The following DBF4 variants were observed in gnomAD, a reference collection of about 807,000 sequenced individuals.
DBF4 encodes the protein protein DBF4 homolog A.
Under a neutral mutation model 76.6 loss-of-function variants are expected in DBF4, and 25 were observed. That is an observed-to-expected ratio of 0.33 (90% confidence interval 0.24 to 0.46). DBF4 has a LOEUF of 0.46. Among genes scored for constraint, DBF4 ranks in the 20% least tolerant of loss-of-function variants. The pLI is 1.00. For synonymous variants in DBF4, 213 were observed against 258.0 expected, an observed-to-expected ratio of 0.83 and a Z score of 1.67; for missense variants, 638 against 760.8, an observed-to-expected ratio of 0.84 and a Z score of 1.90.
chr7:87,888,725 T>C (rs1839419993), intron 6 of DBF4, among the ~76,000 whole-genome samples: 1 of 152,220 alleles, frequency 6.6e-6, no homozygotes. Context: ...CCATTCACTT[T>C]TCAACCTACA....
intron 2 of DBF4, 110 bp downstream of exon 2, chr7:87,878,335 C>T (rs1346722342): frequency 1.2e-6 from 1 of 840,122 alleles, no homozygotes; most frequent in Non-Finnish European, 1.8e-6. Flanking sequence ...TAGCACCAAG[C>T]TTAACATTTT....
rs1839646977 is a variant in DBF4, at chr7:87,896,641, C to T, written c.634+131C>T. Reference sequence around the variant, plus strand: ...TCTTCGTCTTTATAGAACATAGATCCTTGGTGAAGTTTGGTGAAGCCTGTG... The same window carrying T: ...TCTTCGTCTTTATAGAACATAGATCTTTGGTGAAGTTTGGTGAAGCCTGTG... On this transcript the variant is annotated intron_variant, in intron 7 of 11. Transcript: ENST00000265728. 1.1e-5 allele frequency: 8 copies of T among 749,832 alleles called. 1 individual carries two copies. The South Asian group carries it at 1.8e-4, about 17-fold the overall frequency. The allele number at this position is 749,832 out of a possible 1,614,324, so 46.4% of individuals were successfully genotyped here. A position where few individuals can be genotyped will look rare whatever the true frequency, so the allele number is the denominator to read the frequency against.
intron 2 of DBF4, among the ~76,000 whole-genome samples, chr7:87,883,560 G>A (rs1413137311): frequency 1.3e-5 from 2 of 152,066 alleles, no homozygotes; most frequent in African/African-American, 4.8e-5. Context: ...TTATTGCCTG[G>A]CCCTTATAGG....
rs765032347 is a variant in DBF4 at position 87,887,338 on chromosome 7, C to G, written c.460C>G (p.Pro154Ala). 6 of 1,536,464 alleles carry G rather than the reference C, an allele frequency of 3.9e-6. No homozygotes were observed. In the South Asian group the frequency reaches 7.0e-5, roughly 18 times the overall value. ...ACTTTTTTTTTTACAGGATTTTATT[C>G]CTTCAAATAGTATATTATCAAATGC... is the stretch of plus-strand genomic sequence containing the variant. ...EKAIKDHDFI[P>A]SNSILSNALS... Residue 154 changes from proline (P) to alanine (A), a missense_variant, in exon 5 of 12, where the codon CCT becomes GCT. Transcript: ENST00000265728.
rs1839118556 is a variant in DBF4, at chr7:87,878,214, G to T, written c.208G>T (p.Asp70Tyr). The T allele has an allele frequency of 9.3e-6, 15 of 1,609,546 alleles. No individual in the cohort carries two copies. The highest frequency in any genetic ancestry group is 1.3e-5 in the African/African-American group (1 of 74,758). ...ISEKLQKDIK[D>Y]LGGRVEEFLS... ...TGAAAAACTTCAAAAGGACATTAAG[G>T]ATCTGGGAGGGGTAAGTGAAAACCG... Residue 70 changes from aspartate to tyrosine, a missense_variant, in exon 2 of 12, where the codon GAT (aspartate) becomes TAT (tyrosine). Physicochemically the swap from Asp to Tyr is radical, Grantham distance 160. Transcript: ENST00000265728.
chr7:87,905,399 T>C (rs546855708), intron 11 of DBF4, among the ~76,000 whole-genome samples: 3 of 152,348 alleles, frequency 2.0e-5, no homozygotes, highest in Admixed American at 6.5e-5. Context: ...ATTGAACTTT[T>C]AGGTAATATT....
intron 5 of DBF4, 30 bp from the exon 6 acceptor site, chr7:87,887,953 A>C: frequency 6.6e-7 from 1 of 1,507,546 alleles, no homozygotes. Flanking sequence ...TAAAATTGCT[A>C]ATCTTAAAAC....
chr7:87,880,030 C>T (rs1839173604), intron 2 of DBF4, among the ~76,000 whole-genome samples: 1 of 151,644 alleles, frequency 6.6e-6, no homozygotes, highest in African/African-American at 2.4e-5. Context: ...GATGAACAAC[C>T]CATTAACTCT....
At chr7:87,888,810 T>C (rs1481313481) in intron 6 of DBF4, among the ~76,000 whole-genome samples, 1 of 152,252 alleles carries the variant, frequency 6.6e-6, no homozygotes, top group African/African-American at 2.4e-5. Context: ...TTCTCTCAGC[T>C]GTTGTCCATT....
chr7:87,908,270 A>T lies in DBF4; in HGVS notation c.*107A>T. On this transcript the variant is annotated 3_prime_UTR_variant, in exon 12 of 12. Transcript: ENST00000265728. The stretch of plus-strand genomic sequence containing the variant: ...ATTTTTTTACCAGCTTTGTTTACAG[A>T]CCCAAATGTAAATATTAAAAATAAA... 2 of 1,125,516 alleles carry T rather than the reference A, an allele frequency of 1.8e-6. No individual in the cohort carries two copies. Among genetic ancestry groups the T allele is most frequent in the Non-Finnish European group, 2.3e-6 (2 of 852,070 alleles). 69.7% of individuals were successfully genotyped at this position (1,125,516 alleles called of 1,614,324 possible).
chr7:87,899,464 T>G (rs1839714938), intron 8 of DBF4, among the ~76,000 whole-genome samples: 1 of 152,186 alleles, frequency 6.6e-6, no homozygotes, highest in Admixed American at 6.5e-5. Flanking sequence ...ATAGACATTT[T>G]TCCAGAGGTG....
At position 87,909,373 on chromosome 7, in the gene DBF4, A is replaced by T. The variant is rs1340323084; in HGVS notation, c.*1210A>T. 5 of 152,148 alleles carry T rather than the reference A, an allele frequency of 3.3e-5. No individual in the cohort carries two copies. Among genetic ancestry groups the T allele is most frequent in the Non-Finnish European group, 7.3e-5 (5 of 68,040 alleles). 9.4% of individuals were successfully genotyped at this position (152,148 alleles called of 1,614,324 possible). On this transcript the variant is annotated 3_prime_UTR_variant, in exon 12 of 12. Coordinates refer to ENST00000265728, the MANE Select transcript of DBF4 (RefSeq NM_006716.4). Reference sequence around the variant, plus strand: ...ATTGTCACTAAAAATTAGGTTACTAATCTTAATTTTTTTGAAATATATGAT... The same window carrying T: ...ATTGTCACTAAAAATTAGGTTACTATTCTTAATTTTTTTGAAATATATGAT...
intron 6 of DBF4, among the ~76,000 whole-genome samples, chr7:87,891,926 C>T (rs1839502292): frequency 2.0e-5 from 3 of 152,134 alleles, no homozygotes; most frequent in Non-Finnish European, 4.4e-5. Context: ...TAGCTGCATC[C>T]CACACATTTT....
chr7:87,876,499 T>G lies in DBF4; in HGVS notation c.-234T>G, dbSNP rs573523182. On this transcript the variant is annotated 5_prime_UTR_variant, in exon 1 of 12. Coordinates refer to ENST00000265728, the MANE Select transcript of DBF4 (RefSeq NM_006716.4). ...GGCCGCGTGACGCGTTTTCAAATCT[T>G]CAACCGCCGCAGCCCACTCGTTTGT... The G allele has an allele frequency of 1.5e-5, 7 of 475,336 alleles. No individual in the cohort carries two copies. In the South Asian group the frequency reaches 2.3e-4, roughly 16 times the overall value. The allele number at this position is 475,336 out of a possible 1,614,324, so 29.4% of individuals were successfully genotyped here.
chr7:87,887,958 T>C, intron 5 of DBF4, 25 bp from the exon 6 acceptor site: 1 of 1,520,218 alleles, frequency 6.6e-7, no homozygotes, highest in Non-Finnish European at 8.8e-7. Flanking sequence ...TTGCTAATCT[T>C]AAAACCTTCT....
intron 11 of DBF4, 66 bp downstream of exon 11, chr7:87,904,482 G>C: frequency 6.6e-7 from 1 of 1,518,854 alleles, no homozygotes; most frequent in Non-Finnish European, 8.9e-7. Flanking sequence ...GCTCATGCCT[G>C]TAATCCCAGC....
chr7:87,881,693 A>T (rs1174337799), intron 2 of DBF4, among the ~76,000 whole-genome samples: 1 of 152,266 alleles, frequency 6.6e-6, no homozygotes, highest in Non-Finnish European at 1.5e-5. Context: ...AGATACAAAA[A>T]TAAGTAAAAT....
At chr7:87,905,748 G>A (rs1179236642) in intron 11 of DBF4, among the ~76,000 whole-genome samples, 1 of 152,104 alleles carries the variant, frequency 6.6e-6, no homozygotes, top group Admixed American at 6.5e-5. Context: ...TAACCAGAAA[G>A]TTTTTTTACT....
At chr7:87,904,178 T>TA in intron 10 of DBF4, 114 bp from the exon 11 acceptor site, 1 of 998,244 alleles carries the variant, frequency 1.0e-6, no homozygotes, top group Non-Finnish European at 1.4e-6. Flanking sequence ...ATCTTTGGAG[T>TA]AGTTATTGGA....
Sources: gnomAD v4.1 joint callset for allele counts (sites outside exome capture counted in the v4.1 genomes callset) on GRCh38, gnomAD v4.1.1 for gene constraint, MANE v1.5 for transcripts, NCBI Gene and HGNC (gene_info 2026-07-23, HGNC 2026-07-21) for gene names.